MPPED1: variants seen among roughly 807,000 people sequenced by gnomAD.
MPPED1 encodes metallophosphoesterase domain-containing protein 1.
A neutral mutation model predicts 36.2 loss-of-function variants in MPPED1; 16 were observed. The ratio of observed to expected loss-of-function variants is 0.44; its 90% CI spans 0.30 to 0.67. The LOEUF (loss-of-function observed/expected upper bound fraction) is 0.67. MPPED1 is among the 30% of genes least tolerant of loss of function. MPPED1 has a pLI of 0.10. For synonymous variants in MPPED1, 199 were observed against 191.3 expected, an observed-to-expected ratio of 1.04 and a Z score of -0.33; for missense variants, 307 against 453.4, an observed-to-expected ratio of 0.68 and a Z score of 2.93.
chr22:43,422,199 G>T (rs573425131), intron 1 of MPPED1, among the ~76,000 whole-genome samples: 7 of 152,352 alleles, frequency 4.6e-5, no homozygotes, highest in Non-Finnish European at 1.0e-4. Context: ...AGGCAGCTAG[G>T]TCTGGGGGCC....
At chr22:43,485,634 C>T (rs776287292) in intron 4 of MPPED1, among the ~76,000 whole-genome samples, 3 of 152,194 alleles carry the variant, frequency 2.0e-5, no homozygotes, top group South Asian at 2.1e-4. Context: ...ATTGATTTCA[C>T]GTGGCTGTTT....
chr22:43,426,493 C>A (rs1601948531), intron 2 of MPPED1, among the ~76,000 whole-genome samples: 1 of 152,210 alleles, frequency 6.6e-6, no homozygotes, highest in Non-Finnish European at 1.5e-5. Context: ...AGGCCCTGGG[C>A]CGCCTCTGGG....
At chr22:43,491,730 C>G (rs931372053) in intron 4 of MPPED1, among the ~76,000 whole-genome samples, 10 of 29,112 alleles carry the variant, frequency 3.4e-4, no homozygotes, top group South Asian at 1.1e-3. Flanking sequence ...AAAGATGATG[C>G]TGGTGGTGGT....
rs568670690 is a variant in MPPED1 at position 43,431,996 on chromosome 22, C to T, written c.225-3038C>T. On this transcript the variant is annotated intron_variant, in intron 2 of 6. Coordinates refer to ENST00000443721, the MANE Select transcript of MPPED1 (RefSeq NM_001044370.2). ...CCAGCCCAACCAGAGCCCTCAGAAC[C>T]GCACTGCTCTTGGCTGGCTGGTGGT... Among the ~76,000 whole-genome samples the T allele has an allele frequency of 1.9e-3, 282 of 152,254 alleles. 2 individuals carry two copies. Among genetic ancestry groups the T allele is most frequent in the South Asian group, 6.2e-4 (3 of 4,820 alleles).
rs555617120 is a variant in MPPED1 at position 43,432,447 on chromosome 22, GGA to G, written c.225-2580_225-2579del. Among the ~76,000 whole-genome samples, 171 of 122,884 alleles carry G rather than the reference GGA, an allele frequency of 1.4e-3. 1 individual carries two copies. The highest frequency in any genetic ancestry group is 6.0e-3 in the South Asian group (19 of 3,142). The allele number at this position is 122,884 out of a possible 152,430, so 80.6% of individuals were successfully genotyped here. Reference sequence around the variant, plus strand: ...GAGAGAAAGGGAGGAGAGAAAGGGAGGAGAGAGATAAAGAGAGGAGAGAGAGA... The same window carrying G: ...GAGAGAAAGGGAGGAGAGAAAGGGAGGAGAGATAAAGAGAGGAGAGAGAGA... On this transcript the variant is annotated intron_variant, in intron 2 of 6. Transcript: ENST00000443721.
rs867587476 is a variant in MPPED1, at chr22:43,502,346, C to A, written c.749-298C>A. The stretch of plus-strand genomic sequence containing the variant: ...ACTCGAGCACAGATGGTCTGGGGGG[C>A]GCCAGCAGTTACTGAGCACCCCACC... On this transcript the variant is annotated intron_variant, in intron 5 of 6. Coordinates refer to ENST00000443721, the MANE Select transcript of MPPED1 (RefSeq NM_001044370.2). This position sits in a 1 kb window ranked among gnomAD's most constrained non-coding sequence, Gnocchi z 5.5. Among the ~76,000 whole-genome samples the A allele has an allele frequency of 6.6e-6, 1 of 152,138 alleles. No homozygotes were observed.
At chr22:43,454,597 A>T (rs563693077) in intron 3 of MPPED1, among the ~76,000 whole-genome samples, 1 of 151,660 alleles carries the variant, frequency 6.6e-6, no homozygotes, top group Non-Finnish European at 1.5e-5. Context: ...CACCGGTACT[A>T]TTAAGTTATA....
intron 3 of MPPED1, among the ~76,000 whole-genome samples, chr22:43,454,497 G>A (rs1569075397): frequency 6.6e-6 from 1 of 152,020 alleles, no homozygotes; most frequent in African/African-American, 2.4e-5. Flanking sequence ...TAGAGACAAG[G>A]TCTCACTATG....
At chr22:43,481,959 G>A (rs1421429475) in intron 4 of MPPED1, among the ~76,000 whole-genome samples, 1 of 152,178 alleles carries the variant, frequency 6.6e-6, no homozygotes, top group African/African-American at 2.4e-5. Context: ...TGGCGTGTTT[G>A]TGCTGCCCCC....
At chr22:43,415,717 T>G (rs1407525675) in intron 1 of MPPED1, among the ~76,000 whole-genome samples, 1 of 152,214 alleles carries the variant, frequency 6.6e-6, no homozygotes, top group Non-Finnish European at 1.5e-5. Flanking sequence ...TGGTTGACTC[T>G]GCTCTGCATC....
chr22:43,412,890 C>T (rs1928954988), intron 1 of MPPED1, among the ~76,000 whole-genome samples: 1 of 152,258 alleles, frequency 6.6e-6, no homozygotes, highest in Admixed American at 6.5e-5. Flanking sequence ...TGTCTCCCTT[C>T]ACCCTGGCAG....
chr22:43,447,859 T>TTTTA (rs1555899992), intron 3 of MPPED1, among the ~76,000 whole-genome samples: 18 of 62,528 alleles, frequency 2.9e-4, no homozygotes, highest in Admixed American at 1.9e-3. Context: ...TATGTAAATA[T>TTTTA]TATATATATA....
chr22:43,436,201 G>C (rs1035776526), intron 3 of MPPED1, among the ~76,000 whole-genome samples: 10 of 152,230 alleles, frequency 6.6e-5, no homozygotes, highest in African/African-American at 2.4e-4. Context: ...AGGCATCTCT[G>C]TCCCCACCCG....
chr22:43,476,377 A>G (rs1455196455), intron 4 of MPPED1, among the ~76,000 whole-genome samples: 2 of 152,074 alleles, frequency 1.3e-5, no homozygotes, highest in Admixed American at 1.3e-4. Context: ...AGGGAAGAGA[A>G]GGGTATTCAC....
chr22:43,469,485 C>CACTGGAAAACGGAACTGCAGGGT (rs1569080008), intron 3 of MPPED1, among the ~76,000 whole-genome samples: 11 of 4,346 alleles, frequency 2.5e-3, no homozygotes, highest in East Asian at 0.012. Context: ...AACTGCAGGG[C>CACTGGAAAACGGAACTGCAGGGT]GATGGGAACA....
chr22:43,465,442 A>G (rs907417771), intron 3 of MPPED1, among the ~76,000 whole-genome samples: 1 of 152,222 alleles, frequency 6.6e-6, no homozygotes, highest in African/African-American at 2.4e-5. Flanking sequence ...GTTGTAAGGG[A>G]CGACGGAACC....
chr22:43,491,617 AGGT>A (rs1932091384), intron 4 of MPPED1, among the ~76,000 whole-genome samples: 1 of 103,292 alleles, frequency 9.7e-6, no homozygotes, highest in South Asian at 3.4e-4. Context: ...TTGGTGATGG[AGGT>A]GGTGGTGATG....
chr22:43,445,141 A>G (rs1395040601), intron 3 of MPPED1, among the ~76,000 whole-genome samples: 2 of 152,196 alleles, frequency 1.3e-5, no homozygotes, highest in Non-Finnish European at 2.9e-5. Flanking sequence ...TTTGACATCC[A>G]TCTCATTCCA....
intron 3 of MPPED1, among the ~76,000 whole-genome samples, chr22:43,450,422 T>A (rs1296951917): frequency 3.9e-5 from 6 of 152,242 alleles, no homozygotes; most frequent in Non-Finnish European, 7.3e-5. Flanking sequence ...GCATTGCAGC[T>A]GGGATTCTGC....
Sources: gnomAD v4.1 joint callset for allele counts (sites outside exome capture counted in the v4.1 genomes callset) on GRCh38, gnomAD v4.1.1 for gene constraint, Gnocchi (gnomAD v3.1) non-coding constraint, MANE v1.5 for transcripts, NCBI Gene and HGNC (gene_info 2026-07-23, HGNC 2026-07-21) for gene names.